NUDT5: variants seen among roughly 807,000 people sequenced by gnomAD.
NUDT5 encodes ADP-sugar pyrophosphatase.
Under a neutral mutation model 34.1 loss-of-function variants are expected in NUDT5, and 21 were observed. The ratio of observed to expected loss-of-function variants is 0.62; its 90% CI spans 0.44 to 0.89. The LOEUF (loss-of-function observed/expected upper bound fraction) is 0.89. NUDT5 is among the 40% of genes least tolerant of loss of function. The probability of loss-of-function intolerance (pLI) is 0.00; values close to 1 mark genes in which losing one functional copy is unlikely to be tolerated. For synonymous variants in NUDT5, 85 were observed against 97.6 expected, an observed-to-expected ratio of 0.87 and a Z score of 0.76; for missense variants, 249 against 274.8, an observed-to-expected ratio of 0.91 and a Z score of 0.66.
chr10:12,186,149 A>G, intron 2 of NUDT5, 80 bp downstream of exon 2: 1 of 1,096,132 alleles, frequency 9.1e-7, no homozygotes, highest in Non-Finnish European at 1.4e-6. Context: ...AAAGACCACC[A>G]TTGTAACAAC....
At position 12,171,062 on chromosome 10, in the gene NUDT5, A is replaced by G; in HGVS notation, c.488-154T>C. The G allele has an allele frequency of 1.3e-6, 1 of 781,720 alleles. No homozygotes were observed. Among genetic ancestry groups the G allele is most frequent in the South Asian group, 1.8e-5 (1 of 56,532 alleles). The allele number at this position is 781,720 out of a possible 1,614,324, so 48.4% of individuals were successfully genotyped here. A position where few individuals can be genotyped will look rare whatever the true frequency, so the allele number is the denominator to read the frequency against. ...ATATACATTGTCAAACTCGAGCAGT[A>G]TGAAGTTATTGTTCTCCACATAATG... On this transcript the variant is annotated intron_variant, in intron 7 of 9. Transcript: ENST00000491614. This position sits in a 1 kb window ranked among gnomAD's most constrained non-coding sequence, Gnocchi z 4.2.
rs1834668106 is a variant in NUDT5, at chr10:12,165,856, C to T, written c.*1846G>A. On this transcript the variant is annotated 3_prime_UTR_variant, in exon 10 of 10. Coordinates refer to ENST00000491614, the MANE Select transcript of NUDT5 (RefSeq NM_014142.4). The stretch of plus-strand genomic sequence containing the variant: ...TGACAGTGGCTCGGTGAGCATCCGC[C>T]AAGGGCCTCAGACCACTGTTACCAT... 6.6e-6 allele frequency: 1 copy of T among 152,162 alleles called. No homozygotes were observed. The highest frequency in any genetic ancestry group is 1.5e-5 in the Non-Finnish European group (1 of 68,040). 9.4% of individuals were successfully genotyped at this position (152,162 alleles called of 1,614,324 possible). A position where few individuals can be genotyped will look rare whatever the true frequency, so the allele number is the denominator to read the frequency against.
Position 12,173,357 on chromosome 10 carries a change from C to G in NUDT5, c.385+361G>C, listed in dbSNP as rs893251533. Among the ~76,000 whole-genome samples, 1 of 152,074 alleles carries G rather than the reference C, an allele frequency of 6.6e-6. No individual in the cohort carries two copies. Among genetic ancestry groups the G allele is most frequent in the Non-Finnish European group, 1.5e-5 (1 of 68,006 alleles). On this transcript the variant is annotated intron_variant, in intron 6 of 9. Coordinates refer to ENST00000491614, the MANE Select transcript of NUDT5 (RefSeq NM_014142.4). This position sits in a 1 kb window ranked among gnomAD's most constrained non-coding sequence, Gnocchi z 4.7. Reference sequence around the variant, plus strand: ...CCGAGTAGCTGGGATCACAGGTGTGCGCCACCCGGCTAATTTTTGTATTTT... The same window carrying G: ...CCGAGTAGCTGGGATCACAGGTGTGGGCCACCCGGCTAATTTTTGTATTTT...
In NUDT5 at chr10:12,173,901, C is replaced by G; in HGVS notation, c.290-88G>C. The G allele has an allele frequency of 5.2e-6, 5 of 953,064 alleles. No individual in the cohort carries two copies. Among genetic ancestry groups the G allele is most frequent in the Admixed American group, 1.8e-5 (1 of 56,810 alleles). The allele number at this position is 953,064 out of a possible 1,614,324, so 59.0% of individuals were successfully genotyped here. On this transcript the variant is annotated intron_variant, in intron 5 of 9. Coordinates refer to ENST00000491614, the MANE Select transcript of NUDT5 (RefSeq NM_014142.4). This position sits in a 1 kb window ranked among gnomAD's most constrained non-coding sequence, Gnocchi z 4.7. ...TTTTTTTTTGAGATGGAGTCTCACTCTGTCGCCCAGGCTGGAGTGCAGTGG... is the reference window on the plus strand; with the variant it reads ...TTTTTTTTTGAGATGGAGTCTCACTGTGTCGCCCAGGCTGGAGTGCAGTGG...
In NUDT5 at chr10:12,167,558, C is replaced by G; in HGVS notation, c.*144G>C. Reference sequence around the variant, plus strand: ...TCACAACCTACCTGTAATTACAATTCCATACCACCACCACATCTGTTCTGT... The same window carrying G: ...TCACAACCTACCTGTAATTACAATTGCATACCACCACCACATCTGTTCTGT... On this transcript the variant is annotated 3_prime_UTR_variant, in exon 10 of 10. Transcript: ENST00000491614. The G allele has an allele frequency of 1.4e-6, 1 of 704,686 alleles. No homozygotes were observed. 43.7% of individuals were successfully genotyped at this position (704,686 alleles called of 1,614,324 possible).
chr10:12,181,914 G>A lies in NUDT5; in HGVS notation c.132-2782C>T, dbSNP rs1425391013. Among the ~76,000 whole-genome samples the A allele has an allele frequency of 1.3e-5, 2 of 152,134 alleles. No individual in the cohort carries two copies. Among genetic ancestry groups the A allele is most frequent in the Non-Finnish European group, 2.9e-5 (2 of 68,032 alleles). The stretch of plus-strand genomic sequence containing the variant: ...AGCACTTTGGGAGGCCAAGGTGGGT[G>A]GATCACCTGAGGTCAGGAGTTTCAG... On this transcript the variant is annotated intron_variant, in intron 3 of 9. Transcript: ENST00000491614. The surrounding 1 kb of genome is among the most constrained non-coding windows in gnomAD (Gnocchi z 5.0).
Position 12,173,595 on chromosome 10 carries a change from G to T in NUDT5, c.385+123C>A. ...GAGGGGAGATTCCCTTACACTTGGT[G>T]ACCAGTCCTAATCTGTGATTTCTTT... is the stretch of plus-strand genomic sequence containing the variant. On this transcript the variant is annotated intron_variant, in intron 6 of 9. Transcript: ENST00000491614. This position sits in a 1 kb window ranked among gnomAD's most constrained non-coding sequence, Gnocchi z 4.7. 1 of 783,008 alleles carries T rather than the reference G, an allele frequency of 1.3e-6. No homozygotes were observed. The highest frequency in any genetic ancestry group is 1.5e-5 in the South Asian group (1 of 65,316). The allele number at this position is 783,008 out of a possible 1,614,324, so 48.5% of individuals were successfully genotyped here. A position where few individuals can be genotyped will look rare whatever the true frequency, so the allele number is the denominator to read the frequency against.
chr10:12,190,790 G>A (rs1835211218), intron 1 of NUDT5, among the ~76,000 whole-genome samples: 1 of 151,632 alleles, frequency 6.6e-6, no homozygotes, highest in African/African-American at 2.4e-5. Flanking sequence ...TGCATTTTTA[G>A]TAGAGACGGG....
At chr10:12,190,797 C>T (rs996073453) in intron 1 of NUDT5, among the ~76,000 whole-genome samples, 3 of 151,680 alleles carry the variant, frequency 2.0e-5, no homozygotes, top group African/African-American at 7.2e-5. Flanking sequence ...TTAGTAGAGA[C>T]GGGGTTTCAC....
rs1443767229 is a variant in NUDT5 at position 12,175,588 on chromosome 10, G to A, written c.290-1775C>T. Reference sequence around the variant, plus strand: ...GCCCAGAAGGTCAAGGCTGCAGTGAGCTGTGATTGTGCCACTGCACTCCAA... The same window carrying A: ...GCCCAGAAGGTCAAGGCTGCAGTGAACTGTGATTGTGCCACTGCACTCCAA... On this transcript the variant is annotated intron_variant, in intron 5 of 9. Coordinates refer to ENST00000491614, the MANE Select transcript of NUDT5 (RefSeq NM_014142.4). This position sits in a 1 kb window ranked among gnomAD's most constrained non-coding sequence, Gnocchi z 4.8. 1.3e-5 allele frequency among the ~76,000 whole-genome samples: 2 copies of A among 152,116 alleles called. No individual in the cohort carries two copies. The highest frequency in any genetic ancestry group is 2.9e-5 in the Non-Finnish European group (2 of 68,010).
At position 12,181,015 on chromosome 10, in the gene NUDT5, T is replaced by C. The variant is rs945410541; in HGVS notation, c.132-1883A>G. On this transcript the variant is annotated intron_variant, in intron 3 of 9. Transcript: ENST00000491614. The surrounding 1 kb of genome is among the most constrained non-coding windows in gnomAD (Gnocchi z 5.0). ...CTTTCATGAATGAGACGGTGGAACATAGGATTCTCTAGCTGCTATTTTATC... is the reference window on the plus strand; with the variant it reads ...CTTTCATGAATGAGACGGTGGAACACAGGATTCTCTAGCTGCTATTTTATC... Among the ~76,000 whole-genome samples, 10 of 152,182 alleles carry C rather than the reference T, an allele frequency of 6.6e-5. No homozygotes were observed. The highest frequency in any genetic ancestry group is 2.2e-4 in the African/African-American group (9 of 41,430).
chr10:12,165,347 AC>A lies in NUDT5; in HGVS notation c.*2354del, dbSNP rs1834643800. The stretch of plus-strand genomic sequence containing the variant: ...CATGAGTGTAAACAGTAGACAATAA[AC>A]TTTTATTTAAGAAAACTGATTCAGT... On this transcript the variant is annotated 3_prime_UTR_variant, in exon 10 of 10. Transcript: ENST00000491614. 1.0e-6 allele frequency: 1 copy of A among 981,424 alleles called. No individual in the cohort carries two copies. Among genetic ancestry groups the A allele is most frequent in the South Asian group, 4.7e-5 (1 of 21,198 alleles). The allele number at this position is 981,424 out of a possible 1,614,324, so 60.8% of individuals were successfully genotyped here. A position where few individuals can be genotyped will look rare whatever the true frequency, so the allele number is the denominator to read the frequency against.
Position 12,171,059 on chromosome 10 carries a change from A to T in NUDT5, c.488-151T>A, listed in dbSNP as rs1481348454. The stretch of plus-strand genomic sequence containing the variant: ...TTTATATACATTGTCAAACTCGAGC[A>T]GTATGAAGTTATTGTTCTCCACATA... On this transcript the variant is annotated intron_variant, in intron 7 of 9. Coordinates refer to ENST00000491614, the MANE Select transcript of NUDT5 (RefSeq NM_014142.4). The surrounding 1 kb of genome is among the most constrained non-coding windows in gnomAD (Gnocchi z 4.2). The T allele has an allele frequency of 1.3e-5, 10 of 790,792 alleles. No homozygotes were observed. In the East Asian group the frequency reaches 2.7e-4, roughly 21 times the overall value. 49.0% of individuals were successfully genotyped at this position (790,792 alleles called of 1,614,324 possible). A position where few individuals can be genotyped will look rare whatever the true frequency, so the allele number is the denominator to read the frequency against.
Position 12,167,742 on chromosome 10 carries a change from G to A in NUDT5, c.620C>T (p.Ala207Val). 2 of 1,614,130 alleles carry A rather than the reference G, an allele frequency of 1.2e-6. No individual in the cohort carries two copies. The highest frequency in any genetic ancestry group is 1.7e-6 in the Non-Finnish European group (2 of 1,179,996). Residue 207 changes from alanine (A) to valine (V), a missense_variant, in exon 10 of 10, where the codon GCA (alanine) becomes GTA (valine). Physicochemically the swap from Ala to Val is moderately conservative, Grantham distance 64. Coordinates refer to ENST00000491614, the MANE Select transcript of NUDT5 (RefSeq NM_014142.4). ...GGGCACTTCAAATGGCTTTGCATTT[G>A]CATGTTTCAGTGCTAGAGCGTAGGA... The part of the protein sequence containing the change: ...VYSYALALKH[A>V]NAKPFEVPFL...
chr10:12,188,165 G>A (rs1214022497), intron 1 of NUDT5, among the ~76,000 whole-genome samples: 2 of 151,928 alleles, frequency 1.3e-5, no homozygotes, highest in Non-Finnish European at 2.9e-5. Context: ...AGAAAATACA[G>A]CCCACCCAGC....
intron 1 of NUDT5, among the ~76,000 whole-genome samples, chr10:12,190,659 A>C (rs1436416890): frequency 7.4e-6 from 1 of 134,880 alleles, no homozygotes; most frequent in Non-Finnish European, 1.5e-5. Context: ...CCCAGGCTGG[A>C]GTGCAATGGC....
Position 12,165,345 on chromosome 10 carries a change from A to C in NUDT5, c.*2357T>G. The C allele has an allele frequency of 1.0e-6, 1 of 982,024 alleles. No individual in the cohort carries two copies. Among genetic ancestry groups the C allele is most frequent in the Non-Finnish European group, 1.2e-6 (1 of 826,828 alleles). The allele number at this position is 982,024 out of a possible 1,614,324, so 60.8% of individuals were successfully genotyped here. A position where few individuals can be genotyped will look rare whatever the true frequency, so the allele number is the denominator to read the frequency against. ...AACATGAGTGTAAACAGTAGACAATAAACTTTTATTTAAGAAAACTGATTC... is the reference window on the plus strand; with the variant it reads ...AACATGAGTGTAAACAGTAGACAATCAACTTTTATTTAAGAAAACTGATTC... On this transcript the variant is annotated 3_prime_UTR_variant, in exon 10 of 10. Coordinates refer to ENST00000491614, the MANE Select transcript of NUDT5 (RefSeq NM_014142.4).
chr10:12,169,854 A>G lies in NUDT5; in HGVS notation c.550+863T>C. 1 of 366,166 alleles carries G rather than the reference A, an allele frequency of 2.7e-6. No individual in the cohort carries two copies. The highest frequency in any genetic ancestry group is 4.9e-6 in the Non-Finnish European group (1 of 205,132). 22.7% of individuals were successfully genotyped at this position (366,166 alleles called of 1,614,324 possible). On this transcript the variant is annotated intron_variant, in intron 9 of 9. Transcript: ENST00000491614. The surrounding 1 kb of genome is among the most constrained non-coding windows in gnomAD (Gnocchi z 4.8). ...GAAACTGGTCTTAAAGCTTCAGGCC[A>G]AACAATGCTTCAAATCACATTTGAA...
rs370342320 is a variant in NUDT5, at chr10:12,184,965, A to G, written c.64-9T>C. On this transcript the variant is annotated splice_polypyrimidine_tract_variant and intron_variant, in intron 2 of 9. Coordinates refer to ENST00000491614, the MANE Select transcript of NUDT5 (RefSeq NM_014142.4). ...TTTCCTTCTGAAATTAACTAAAAGG[A>G]TATCAGATAATAAGTTGGGAAACTT... is the stretch of plus-strand genomic sequence containing the variant. 7.2e-5 allele frequency: 105 copies of G among 1,451,092 alleles called. No individual in the cohort carries two copies. In the Middle Eastern group the frequency reaches 5.5e-3, roughly 77 times the overall value. 89.9% of individuals were successfully genotyped at this position (1,451,092 alleles called of 1,614,324 possible).
Sources: allele counts gnomAD v4.1 joint callset (sites outside exome capture counted in the v4.1 genomes callset), GRCh38; gene constraint gnomAD v4.1.1; non-coding constraint Gnocchi (gnomAD v3.1); transcripts MANE v1.5; gene names NCBI Gene and HGNC (gene_info 2026-07-23, HGNC 2026-07-21).